MTG1: variants seen among roughly 807,000 people sequenced by gnomAD.
MTG1 encodes mitochondrial ribosome associated GTPase 1.
A neutral mutation model predicts 39.5 loss-of-function variants in MTG1; 30 were observed. That is an observed-to-expected ratio of 0.76 (90% confidence interval 0.57 to 1.03). The LOEUF (loss-of-function observed/expected upper bound fraction) is 1.03. Ranked by LOEUF, MTG1 falls within the 50% of genes least tolerant of loss-of-function variation. MTG1 has a pLI of 0.00. For missense variants in MTG1, 513 were observed against 447.4 expected (o/e 1.15, Z -1.32); for synonymous variants, 217 against 179.0 (o/e 1.21, Z -1.69).
chr10:133,413,471 C>G (rs1188966410), intron 9 of MTG1, among the ~76,000 whole-genome samples: 1 of 152,184 alleles, frequency 6.6e-6, no homozygotes, highest in Non-Finnish European at 1.5e-5. Flanking sequence ...CCAGGCTGGT[C>G]TTGAACTCCT....
Position 133,399,166 on chromosome 10 carries a change from G to C in MTG1, c.364-4G>C, listed in dbSNP as rs768831656. ...GTGGCTCCATGAGTGGGTGTTTGTTGCAGATCATCCCGATGGTCACTGAAC... is the reference window on the plus strand; with the variant it reads ...GTGGCTCCATGAGTGGGTGTTTGTTCCAGATCATCCCGATGGTCACTGAAC... On this transcript the variant is annotated splice_region_variant and splice_polypyrimidine_tract_variant and intron_variant, in intron 4 of 10. Transcript: ENST00000317502. 6.2e-7 allele frequency: 1 copy of C among 1,614,070 alleles called. No homozygotes were observed. The highest frequency in any genetic ancestry group is 8.5e-7 in the Non-Finnish European group (1 of 1,180,032).
intron 9 of MTG1, among the ~76,000 whole-genome samples, chr10:133,411,816 T>C (rs190238480): frequency 1.5e-3 from 222 of 152,228 alleles, no homozygotes; most frequent in African/African-American, 5.1e-3. Flanking sequence ...TCAATCTCTG[T>C]TAAATTTGTC....
At chr10:133,401,786 T>C in intron 7 of MTG1, 196 bp downstream of exon 7, 1 of 711,098 alleles carries the variant, frequency 1.4e-6, no homozygotes, top group South Asian at 1.5e-5. Flanking sequence ...GCCAAACCTT[T>C]GGGGAAGGCA....
intron 9 of MTG1, among the ~76,000 whole-genome samples, chr10:133,406,268 A>T (rs1211294982): frequency 6.6e-6 from 1 of 152,076 alleles, no homozygotes; most frequent in Non-Finnish European, 1.5e-5. Flanking sequence ...ATTTTCTCCT[A>T]TTCTGTAGAT....
At chr10:133,400,959 C>CAG (rs1849865775) in intron 6 of MTG1, among the ~76,000 whole-genome samples, 2 of 152,236 alleles carry the variant, frequency 1.3e-5, no homozygotes, top group Non-Finnish European at 2.9e-5. Flanking sequence ...GTTGTGTGTA[C>CAG]AGACCACATC....
chr10:133,412,848 C>T (rs1356815727), intron 9 of MTG1, among the ~76,000 whole-genome samples: 1 of 152,086 alleles, frequency 6.6e-6, no homozygotes, highest in African/African-American at 2.4e-5. Context: ...TTTATTTCTA[C>T]TTTGGTAATT....
chr10:133,409,025 AT>A (rs1850008033), intron 9 of MTG1, among the ~76,000 whole-genome samples: 4 of 148,708 alleles, frequency 2.7e-5, no homozygotes, highest in Admixed American at 2.7e-4. Context: ...TTTCAACTCA[AT>A]TTCATTTATT....
At chr10:133,419,696 C>T in intron 10 of MTG1, 104 bp downstream of exon 10, 2 of 955,044 alleles carry the variant, frequency 2.1e-6, no homozygotes, top group East Asian at 2.6e-5. Context: ...TGTCAAGGAG[C>T]ATGCGCCGGG....
At chr10:133,409,115 C>T (rs1192583840) in intron 9 of MTG1, among the ~76,000 whole-genome samples, 1 of 151,352 alleles carries the variant, frequency 6.6e-6, no homozygotes, top group East Asian at 1.9e-4. Flanking sequence ...TTTTCTGGTG[C>T]CTTGAGGTTC....
At chr10:133,397,242 C>T (rs1236139178) in intron 3 of MTG1, among the ~76,000 whole-genome samples, 1 of 152,100 alleles carries the variant, frequency 6.6e-6, no homozygotes. Context: ...CTTTCTCCCT[C>T]TCTCTCTGCC....
At chr10:133,419,887 T>C (rs1439764451) in intron 10 of MTG1, 139 bp from the exon 11 acceptor site, 1 of 1,088,550 alleles carries the variant, frequency 9.2e-7, no homozygotes, top group African/African-American at 1.6e-5. Flanking sequence ...CAAGCTGTTT[T>C]CTTTCTGAGT....
At chr10:133,408,246 C>T (rs1283129732) in intron 9 of MTG1, among the ~76,000 whole-genome samples, 1 of 152,174 alleles carries the variant, frequency 6.6e-6, no homozygotes, top group African/African-American at 2.4e-5. Flanking sequence ...CTTCTATACT[C>T]AGTTTGCTGA....
At position 133,420,239 on chromosome 10, in the gene MTG1, C is replaced by G; in HGVS notation, c.*74C>G. ...TGACCTGGGTGGTTGAGGCTCAAGA[C>G]AGCTCACCCGGTCCAGAAGCTCCAT... is the stretch of plus-strand genomic sequence containing the variant. On this transcript the variant is annotated 3_prime_UTR_variant, in exon 11 of 11. Transcript: ENST00000317502. 6.7e-7 allele frequency: 1 copy of G among 1,494,760 alleles called. No individual in the cohort carries two copies. The highest frequency in any genetic ancestry group is 8.9e-7 in the Non-Finnish European group (1 of 1,118,508). The allele number at this position is 1,494,760 out of a possible 1,614,324, so 92.6% of individuals were successfully genotyped here.
intron 3 of MTG1, among the ~76,000 whole-genome samples, chr10:133,397,981 G>C (rs1379199618): frequency 6.6e-6 from 1 of 152,106 alleles, no homozygotes; most frequent in African/African-American, 2.4e-5. Context: ...ACTTGCCCCT[G>C]GGTGGCCCTG....
intron 9 of MTG1, among the ~76,000 whole-genome samples, chr10:133,407,142 C>T (rs1000059681): frequency 6.6e-6 from 1 of 152,142 alleles, no homozygotes; most frequent in Non-Finnish European, 1.5e-5. Flanking sequence ...GTTCTCTGGT[C>T]TGTTCCACTG....
chr10:133,406,145 ATAAT>A (rs983736088), intron 9 of MTG1, among the ~76,000 whole-genome samples: 1 of 152,216 alleles, frequency 6.6e-6, no homozygotes, highest in African/African-American at 2.4e-5. Context: ...CTTTTGAGAA[ATAAT>A]TATTCAGATC....
chr10:133,400,467 C>G (rs764705991), intron 6 of MTG1, among the ~76,000 whole-genome samples: 30 of 152,220 alleles, frequency 2.0e-4, no homozygotes, highest in Non-Finnish European at 7.3e-5. Context: ...AAGTTTAATT[C>G]AAGTCCTTGT....
intron 9 of MTG1, among the ~76,000 whole-genome samples, chr10:133,407,129 T>C (rs1849980177): frequency 6.6e-6 from 1 of 152,212 alleles, no homozygotes; most frequent in South Asian, 2.1e-4. Context: ...GATGTATTTC[T>C]GGGTTCTCTG....
At chr10:133,403,593 C>T (rs1250490670) in intron 9 of MTG1, among the ~76,000 whole-genome samples, 1 of 152,212 alleles carries the variant, frequency 6.6e-6, no homozygotes, top group Non-Finnish European at 1.5e-5. Context: ...CGTGTGTCGT[C>T]GTGTGTTGTC....
Sources: gnomAD v4.1 joint callset for allele counts (sites outside exome capture counted in the v4.1 genomes callset) on GRCh38, gnomAD v4.1.1 for gene constraint, MANE v1.5 for transcripts, NCBI Gene and HGNC (gene_info 2026-07-23, HGNC 2026-07-21) for gene names.